Variants in LRRTM4 observed in about 807,000 individuals in gnomAD.
The protein encoded by LRRTM4 is leucine rich repeat transmembrane neuronal 4.
In LRRTM4, 25 loss-of-function variants were observed where a neutral mutation model predicts 47.6. That is an observed-to-expected ratio of 0.53 (90% CI 0.38 to 0.73). LRRTM4 has a LOEUF of 0.73. Ranked by LOEUF, LRRTM4 falls within the 30% of genes least tolerant of loss-of-function variation. The pLI is 0.00. For synonymous variants in LRRTM4, 311 were observed against 269.5 expected (o/e 1.15, Z -1.51); for missense variants, 638 against 713.4 (o/e 0.89, Z 1.20).
intron 3 of LRRTM4, among the ~76,000 whole-genome samples, chr2:77,080,607 C>T (rs1195975691): frequency 5.3e-5 from 8 of 152,092 alleles, no homozygotes; most frequent in African/African-American, 1.9e-4. Flanking sequence ...ATTCTGTCTC[C>T]AGTGGTTCAA....
chr2:77,069,579 A>G (rs1364845925), intron 3 of LRRTM4, among the ~76,000 whole-genome samples: 2 of 152,130 alleles, frequency 1.3e-5, no homozygotes, highest in African/African-American at 2.4e-5. Context: ...TTATAGGTAT[A>G]TTCTGGTGTC....
chr2:77,386,010 G>C (rs911384565), intron 3 of LRRTM4, among the ~76,000 whole-genome samples: 2 of 151,664 alleles, frequency 1.3e-5, no homozygotes, highest in Non-Finnish European at 2.9e-5. Context: ...AACCACCTCG[G>C]CCTCCCAAAG....
chr2:76,790,837 GTTTCTCT>G (rs1415080091), intron 3 of LRRTM4, among the ~76,000 whole-genome samples: 2 of 152,078 alleles, frequency 1.3e-5, no homozygotes, highest in African/African-American at 4.8e-5. Context: ...GACTTGGCAT[GTTTCTCT>G]ACTAGAAAAC....
intron 3 of LRRTM4, among the ~76,000 whole-genome samples, chr2:77,446,048 G>A (rs970416735): frequency 6.6e-6 from 1 of 152,000 alleles, no homozygotes; most frequent in Non-Finnish European, 1.5e-5. Flanking sequence ...GTTGGGGACT[G>A]ATAGGTTATA....
At chr2:76,822,910 G>A (rs1049731686) in intron 3 of LRRTM4, among the ~76,000 whole-genome samples, 3 of 151,192 alleles carry the variant, frequency 2.0e-5, no homozygotes, top group Admixed American at 6.6e-5. Context: ...CCATATAAAA[G>A]TAATAAAATT....
At chr2:76,756,551 A>G (rs968220321) in intron 3 of LRRTM4, among the ~76,000 whole-genome samples, 1 of 152,142 alleles carries the variant, frequency 6.6e-6, no homozygotes, top group Admixed American at 6.6e-5. Flanking sequence ...AAAGAAGGTA[A>G]TTCTTCAAGT....
chr2:76,759,356 C>T (rs911946075), intron 3 of LRRTM4, among the ~76,000 whole-genome samples: 2 of 152,106 alleles, frequency 1.3e-5, no homozygotes, highest in Non-Finnish European at 2.9e-5. Flanking sequence ...GCTGGACTCA[C>T]GTAACCTTGG....
chr2:76,900,837 A>G (rs1348194291), intron 3 of LRRTM4, among the ~76,000 whole-genome samples: 2 of 152,176 alleles, frequency 1.3e-5, no homozygotes, highest in African/African-American at 4.8e-5. Flanking sequence ...AAACAGTGCA[A>G]TTCTGAGTCC....
At chr2:77,120,973 G>A (rs1671506775) in intron 3 of LRRTM4, among the ~76,000 whole-genome samples, 1 of 151,634 alleles carries the variant, frequency 6.6e-6, no homozygotes, top group Admixed American at 6.6e-5. Flanking sequence ...AGCAAACCTT[G>A]AAAAAAGAAA....
chr2:77,343,087 C>G (rs1272172931), intron 3 of LRRTM4, among the ~76,000 whole-genome samples: 2 of 151,952 alleles, frequency 1.3e-5, no homozygotes, highest in African/African-American at 2.4e-5. Context: ...ATCCAGTCAT[C>G]ATTGAAGCCA....
intron 3 of LRRTM4, among the ~76,000 whole-genome samples, chr2:77,321,540 G>C (rs1677787837): frequency 1.1e-5 from 1 of 94,678 alleles, no homozygotes; most frequent in Non-Finnish European, 1.9e-5. Context: ...ATAAGTGTTG[G>C]CTAAATCGGG....
chr2:76,983,885 G>C (rs1676700674), intron 3 of LRRTM4, among the ~76,000 whole-genome samples: 5 of 151,914 alleles, frequency 3.3e-5, no homozygotes, highest in Admixed American at 2.6e-4. Flanking sequence ...GGTGATACTG[G>C]GCCACAAGAA....
At chr2:77,399,638 G>A (rs73941277) in intron 3 of LRRTM4, among the ~76,000 whole-genome samples, 4,944 of 151,870 alleles carry the variant, frequency 0.033, 278 homozygotes, top group African/African-American at 0.11. Flanking sequence ...GTGAGTGCTC[G>A]TTATATTTTC....
chr2:77,430,486 C>G (rs763726921), intron 3 of LRRTM4, among the ~76,000 whole-genome samples: 1 of 152,116 alleles, frequency 6.6e-6, no homozygotes, highest in Non-Finnish European at 1.5e-5. Flanking sequence ...TTTTGGAAGG[C>G]CGAGGCGGGA....
chr2:76,794,993 A>G (rs991784313), intron 3 of LRRTM4, among the ~76,000 whole-genome samples: 2 of 151,804 alleles, frequency 1.3e-5, no homozygotes, highest in African/African-American at 4.8e-5. Context: ...CTTCACTAAA[A>G]GCTATAAAGA....
intron 3 of LRRTM4, among the ~76,000 whole-genome samples, chr2:76,916,250 TG>T (rs1479933301): frequency 2.6e-5 from 4 of 151,596 alleles, no homozygotes; most frequent in Admixed American, 2.0e-4. Flanking sequence ...CCGGGCGTGT[TG>T]GCGGGCGCCT....
chr2:76,843,065 A>G (rs947184478), intron 3 of LRRTM4, among the ~76,000 whole-genome samples: 5 of 152,212 alleles, frequency 3.3e-5, no homozygotes, highest in Admixed American at 2.6e-4. Flanking sequence ...TTGTAAATCA[A>G]TACCTTCAAC....
rs60998175 is a variant in LRRTM4 at position 77,205,417 on chromosome 2, G to A, written c.1551+312901C>T. Among the ~76,000 whole-genome samples the A allele has an allele frequency of 6.9e-3, 1,048 of 152,276 alleles. 14 individuals are homozygous for A. The highest frequency in any genetic ancestry group is 0.024 in the African/African-American group (993 of 41,552). ...CAATTAGATTTCATAGATGGCCTGA[G>A]GACATGGCATCTTTCAGATAGGAAC... On this transcript the variant is annotated intron_variant, in intron 3 of 3. Coordinates refer to ENST00000409884, the MANE Select transcript of LRRTM4 (RefSeq NM_001134745.3).
chr2:77,192,967 T>A (rs896933465), intron 3 of LRRTM4, among the ~76,000 whole-genome samples: 1 of 152,158 alleles, frequency 6.6e-6, no homozygotes, highest in Non-Finnish European at 1.5e-5. Flanking sequence ...TGACAATAAG[T>A]CATATGCTGC....
Sources: allele counts gnomAD v4.1 joint callset (sites outside exome capture counted in the v4.1 genomes callset), GRCh38; gene constraint gnomAD v4.1.1; transcripts MANE v1.5; gene names NCBI Gene and HGNC (gene_info 2026-07-23, HGNC 2026-07-21).